The following CCSER1 variants were observed in gnomAD, a reference collection of about 807,000 sequenced individuals.
CCSER1 encodes the protein coiled-coil serine rich protein 1.
A neutral mutation model predicts 82.0 loss-of-function variants in CCSER1; 41 were observed. The ratio of observed to expected loss-of-function variants is 0.50; its 90% CI spans 0.39 to 0.65. The LOEUF (loss-of-function observed/expected upper bound fraction) is 0.65. Among genes scored for constraint, CCSER1 ranks in the 30% least tolerant of loss-of-function variants. The pLI is 0.00. For synonymous variants in CCSER1, 414 were observed against 383.9 expected (o/e 1.08, Z -0.92); for missense variants, 1,119 against 1,064.2 (o/e 1.05, Z -0.72).
intron 10 of CCSER1, among the ~76,000 whole-genome samples, chr4:91,530,680 CTTTCTT>C (rs1760982270): frequency 8.4e-6 from 1 of 119,172 alleles, no homozygotes; most frequent in African/African-American, 3.6e-5. Flanking sequence ...TTGTATTTTT[CTTTCTT>C]TTTTTTTTTT....
chr4:90,803,901 A>G (rs1757159533), intron 7 of CCSER1, among the ~76,000 whole-genome samples: 1 of 152,150 alleles, frequency 6.6e-6, no homozygotes, highest in Non-Finnish European at 1.5e-5. Flanking sequence ...AATGATCACC[A>G]TTCTAACTGG....
intron 10 of CCSER1, among the ~76,000 whole-genome samples, chr4:91,367,943 G>A (rs1052683297): frequency 2.0e-5 from 3 of 152,076 alleles, no homozygotes; most frequent in Admixed American, 1.3e-4. Flanking sequence ...AATAATAAAT[G>A]TGTCTTACTT....
chr4:91,425,282 AAATTG>A (rs1334737916), intron 10 of CCSER1, among the ~76,000 whole-genome samples: 2 of 152,088 alleles, frequency 1.3e-5, no homozygotes, highest in Non-Finnish European at 2.9e-5. Context: ...TTGAAAAACA[AAATTG>A]AAGGAAATAC....
chr4:91,431,266 A>C (rs1754292480), intron 10 of CCSER1, among the ~76,000 whole-genome samples: 1 of 152,164 alleles, frequency 6.6e-6, no homozygotes, highest in Admixed American at 6.5e-5. Context: ...CAACAAAAAC[A>C]AACATAAAAA....
intron 5 of CCSER1, among the ~76,000 whole-genome samples, chr4:90,507,677 A>G (rs1408452320): frequency 2.0e-5 from 3 of 152,100 alleles, no homozygotes; most frequent in African/African-American, 4.8e-5. Context: ...TTTTATGTAT[A>G]TCCATTACCA....
chr4:90,618,164 AT>A (rs1490006884), intron 5 of CCSER1, among the ~76,000 whole-genome samples: 3 of 152,034 alleles, frequency 2.0e-5, no homozygotes, highest in Non-Finnish European at 4.4e-5. Context: ...CACCCTAAAG[AT>A]TTATTCAAAG....
At chr4:91,511,107 T>C (rs1759795413) in intron 10 of CCSER1, among the ~76,000 whole-genome samples, 2 of 152,164 alleles carry the variant, frequency 1.3e-5, no homozygotes, top group African/African-American at 4.8e-5. Context: ...TTGCTTAATT[T>C]TTTTTTTATT....
chr4:90,690,314 A>T lies in CCSER1; in HGVS notation c.1933-33600A>T, dbSNP rs555260779. 4.9e-4 allele frequency among the ~76,000 whole-genome samples: 75 copies of T among 152,224 alleles called. 1 individual carries two copies. Among genetic ancestry groups the T allele is most frequent in the Non-Finnish European group, 9.1e-4 (62 of 67,998 alleles). ...AGTAGAAAAATGAAGAGACATTTTAAATGCTAATCTGCTTGCTACCATAAA... is the reference window on the plus strand; with the variant it reads ...AGTAGAAAAATGAAGAGACATTTTATATGCTAATCTGCTTGCTACCATAAA... On this transcript the variant is annotated intron_variant, in intron 6 of 10. Transcript: ENST00000509176.
At chr4:91,078,227 C>T (rs909113237) in intron 9 of CCSER1, among the ~76,000 whole-genome samples, 1 of 152,168 alleles carries the variant, frequency 6.6e-6, no homozygotes, top group African/African-American at 2.4e-5. Flanking sequence ...AGGCTGGTTG[C>T]CCCTCTGAGA....
chr4:91,199,118 C>T (rs910980405), intron 10 of CCSER1, among the ~76,000 whole-genome samples: 57 of 152,114 alleles, frequency 3.7e-4, no homozygotes, highest in African/African-American at 1.3e-3. Flanking sequence ...CAACCAATCA[C>T]TGAGGCCAGA....
chr4:90,803,209 T>G (rs1317694315), intron 7 of CCSER1, among the ~76,000 whole-genome samples: 1 of 145,154 alleles, frequency 6.9e-6, no homozygotes, highest in African/African-American at 2.5e-5. Context: ...TTTTTTAATG[T>G]TTTTGTCTTT....
At chr4:90,635,277 C>A (rs140355378) in intron 6 of CCSER1, among the ~76,000 whole-genome samples, 4 of 151,372 alleles carry the variant, frequency 2.6e-5, no homozygotes, top group African/African-American at 9.7e-5. Flanking sequence ...TTTTCAAATG[C>A]GAGTGGAACA....
At chr4:90,144,847 T>A (rs1725505385) in intron 1 of CCSER1, among the ~76,000 whole-genome samples, 1 of 152,182 alleles carries the variant, frequency 6.6e-6, no homozygotes, top group Admixed American at 6.5e-5. Flanking sequence ...ATTTATTCAT[T>A]TTGATAATTG....
chr4:90,987,938 G>T (rs1736704228), intron 9 of CCSER1, among the ~76,000 whole-genome samples: 1 of 151,648 alleles, frequency 6.6e-6, no homozygotes, highest in East Asian at 1.9e-4. Context: ...CACAGATCTA[G>T]CCAATATTTT....
intron 5 of CCSER1, among the ~76,000 whole-genome samples, chr4:90,492,056 CT>C (rs1472430684): frequency 6.6e-6 from 1 of 152,126 alleles, no homozygotes; most frequent in Non-Finnish European, 1.5e-5. Context: ...AGGATTCCCT[CT>C]TTTTCTAGTG....
At chr4:90,661,785 C>A (rs1448725111) in intron 6 of CCSER1, among the ~76,000 whole-genome samples, 3 of 151,782 alleles carry the variant, frequency 2.0e-5, no homozygotes, top group Non-Finnish European at 4.4e-5. Context: ...TTTAAAAAAA[C>A]CCAGTGTTTA....
intron 10 of CCSER1, among the ~76,000 whole-genome samples, chr4:91,400,385 A>G (rs368191979): frequency 2.0e-5 from 3 of 151,880 alleles, no homozygotes. Context: ...ACATTTCTTT[A>G]CATAAGTATC....
At chr4:91,550,455 A>T (rs1180932222) in intron 10 of CCSER1, among the ~76,000 whole-genome samples, 1 of 152,172 alleles carries the variant, frequency 6.6e-6, no homozygotes, top group Admixed American at 6.5e-5. Flanking sequence ...GGCTCTCTGT[A>T]TCTGCCTATC....
intron 10 of CCSER1, among the ~76,000 whole-genome samples, chr4:91,550,548 C>A (rs1477130253): frequency 6.6e-6 from 1 of 152,096 alleles, no homozygotes; most frequent in African/African-American, 2.4e-5. Flanking sequence ...TTGATTTGTT[C>A]AGCTTTTCGT....
Sources: allele counts gnomAD v4.1 joint callset (sites outside exome capture counted in the v4.1 genomes callset), GRCh38; gene constraint gnomAD v4.1.1; transcripts MANE v1.5; gene names NCBI Gene and HGNC (gene_info 2026-07-23, HGNC 2026-07-21).